Variants in BACH2 observed in about 807,000 individuals in gnomAD.
BACH2 encodes the protein transcription regulator protein BACH2.
In BACH2, 5 loss-of-function variants were observed where a neutral mutation model predicts 61.8. The ratio of observed to expected loss-of-function variants is 0.08; its 90% confidence interval spans 0.04 to 0.17. BACH2 has a LOEUF of 0.17. Among genes scored for constraint, BACH2 ranks in the 10% least tolerant of loss-of-function variants. The pLI is 1.00. For missense variants in BACH2, 824 were observed against 1,091.1 expected, an observed-to-expected ratio of 0.76 and a Z score of 3.45; for synonymous variants, 446 against 440.1, an observed-to-expected ratio of 1.01 and a Z score of -0.17.
intron 2 of BACH2, among the ~76,000 whole-genome samples, chr6:90,252,946 AGAAAGAGTAGCT>A (rs1770857305): frequency 6.6e-6 from 1 of 152,216 alleles, no homozygotes; most frequent in African/African-American, 2.4e-5. Context: ...CAAACTGCTC[AGAAAGAGTAGCT>A]TTAGGGCCAG....
chr6:90,037,585 C>T (rs539893550), intron 5 of BACH2, among the ~76,000 whole-genome samples: 199 of 152,266 alleles, frequency 1.3e-3, no homozygotes, highest in African/African-American at 4.6e-3. Context: ...CTCAACAGCA[C>T]GCTTCACATA....
intron 2 of BACH2, among the ~76,000 whole-genome samples, chr6:90,258,810 T>C: frequency 6.6e-6 from 1 of 152,200 alleles, no homozygotes; most frequent in Admixed American, 6.5e-5. Context: ...TTTGTTCTTT[T>C]TGATGCTTTG....
chr6:90,094,169 T>C (rs1011385966), intron 4 of BACH2, among the ~76,000 whole-genome samples: 2 of 152,168 alleles, frequency 1.3e-5, no homozygotes, highest in Non-Finnish European at 2.9e-5. Context: ...AAAGTACAAG[T>C]GGGTCTCCAG....
intron 5 of BACH2, among the ~76,000 whole-genome samples, chr6:90,032,395 A>G (rs2127788379): frequency 7.9e-6 from 1 of 125,816 alleles, no homozygotes; most frequent in East Asian, 3.8e-4. Context: ...ACAGCAAAAG[A>G]AACTACCATC....
chr6:90,109,598 C>T (rs1480662978), intron 4 of BACH2, among the ~76,000 whole-genome samples: 4 of 152,192 alleles, frequency 2.6e-5, no homozygotes, highest in Admixed American at 2.6e-4. Context: ...AGCACCTGAA[C>T]TTGTATATTC....
intron 4 of BACH2, among the ~76,000 whole-genome samples, chr6:90,168,797 T>C (rs1767715066): frequency 6.6e-6 from 1 of 152,216 alleles, no homozygotes; most frequent in Non-Finnish European, 1.5e-5. Context: ...TATACACCTG[T>C]TGGGCACTGC....
rs770889762 is a variant in BACH2 at position 89,928,614 on chromosome 6, T to C, written c.*3794A>G. 4 of 152,630 alleles carry C rather than the reference T, an allele frequency of 2.6e-5. No homozygotes were observed. Among genetic ancestry groups the C allele is most frequent in the Non-Finnish European group, 4.4e-5 (3 of 68,020 alleles). 9.5% of individuals were successfully genotyped at this position (152,630 alleles called of 1,614,324 possible). A position where few individuals can be genotyped will look rare whatever the true frequency, so the allele number is the denominator to read the frequency against. ...CTGGTCCTGGCTCCTTTTGAAGGAG[T>C]AGTGGCAGTTGGCATACTAATCACT... On this transcript the variant is annotated 3_prime_UTR_variant, in exon 9 of 9. Coordinates refer to ENST00000257749, the MANE Select transcript of BACH2 (RefSeq NM_021813.4).
At chr6:90,040,014 T>C (rs1779453247) in intron 5 of BACH2, among the ~76,000 whole-genome samples, 1 of 145,516 alleles carries the variant, frequency 6.9e-6, no homozygotes, top group East Asian at 2.2e-4. Flanking sequence ...ATATTTTTCC[T>C]TCTTTGTCAC....
chr6:90,219,333 T>C (rs1326659964), intron 3 of BACH2, among the ~76,000 whole-genome samples: 1 of 152,220 alleles, frequency 6.6e-6, no homozygotes, highest in Non-Finnish European at 1.5e-5. Context: ...CCATTAACCA[T>C]ATGTTTGGCT....
intron 5 of BACH2, among the ~76,000 whole-genome samples, chr6:90,065,270 C>CATTTTTTTTTTTTTTTTTTT (rs1780894736): frequency 3.8e-5 from 2 of 52,648 alleles, no homozygotes; most frequent in Admixed American, 7.3e-4. Flanking sequence ...GCCGCCCCCA[C>CATTTTTTTTTTTTTTTTTTT]TTTTTTTTTT....
At chr6:90,004,220 G>C (rs1409133818) in intron 6 of BACH2, among the ~76,000 whole-genome samples, 2 of 152,172 alleles carry the variant, frequency 1.3e-5, no homozygotes, top group Non-Finnish European at 2.9e-5. Context: ...AACAACAAAT[G>C]CCTTTTCTTT....
chr6:90,272,645 C>T (rs1771562136), intron 1 of BACH2, among the ~76,000 whole-genome samples: 1 of 152,222 alleles, frequency 6.6e-6, no homozygotes, highest in South Asian at 2.1e-4. Flanking sequence ...TCCCAGCCAA[C>T]CAAGCTCCAA....
chr6:90,222,508 T>G (rs1173157104), intron 3 of BACH2, among the ~76,000 whole-genome samples: 1 of 152,182 alleles, frequency 6.6e-6, no homozygotes, highest in East Asian at 1.9e-4. Context: ...ACAGAACCAT[T>G]ACATTTTTTT....
intron 6 of BACH2, among the ~76,000 whole-genome samples, chr6:89,980,793 G>C (rs533873636): frequency 3.3e-5 from 5 of 152,056 alleles, no homozygotes; most frequent in Non-Finnish European, 5.9e-5. Flanking sequence ...GAAATGTATT[G>C]GTTTCTTTCT....
chr6:90,135,007 C>T (rs532762564), intron 4 of BACH2, among the ~76,000 whole-genome samples: 1 of 152,206 alleles, frequency 6.6e-6, no homozygotes, highest in Non-Finnish European at 1.5e-5. Flanking sequence ...GATTTATACT[C>T]CTGGAATAAT....
At chr6:90,036,708 T>C (rs1376500745) in intron 5 of BACH2, among the ~76,000 whole-genome samples, 4 of 152,222 alleles carry the variant, frequency 2.6e-5, no homozygotes, top group African/African-American at 9.6e-5. Flanking sequence ...GATTAGTTTA[T>C]AGTTTTTTTC....
intron 5 of BACH2, among the ~76,000 whole-genome samples, chr6:90,011,932 A>ATATGTGTGTG (rs764546078): frequency 7.0e-5 from 8 of 114,300 alleles, no homozygotes; most frequent in African/African-American, 3.0e-4. Context: ...AAAAAAAAAT[A>ATATGTGTGTG]TGTGTGTGTG....
Position 90,103,029 on chromosome 6 carries a change from A to ATATATATTT in BACH2, c.-161-13921_-161-13920insAAATATATA. ...TACATATATATATATATATATATAT[A>ATATATATTT]TTTTTTTTTTTTTTTTTTTTTTACC... On this transcript the variant is annotated intron_variant, in intron 4 of 8. Coordinates refer to ENST00000257749, the MANE Select transcript of BACH2 (RefSeq NM_021813.4). Among the ~76,000 whole-genome samples the ATATATATTT allele has an allele frequency of 4.3e-4, 9 of 21,162 alleles. 1 individual carries two copies. The highest frequency in any genetic ancestry group is 1.2e-3 in the African/African-American group (5 of 4,140). 13.9% of individuals were successfully genotyped at this position (21,162 alleles called of 152,430 possible).
chr6:90,145,605 C>G (rs1031552018), intron 4 of BACH2, among the ~76,000 whole-genome samples: 1 of 152,150 alleles, frequency 6.6e-6, no homozygotes, highest in Admixed American at 6.6e-5. Context: ...GAAGCTCCCT[C>G]GAGGGTCTCT....
Sources: gnomAD v4.1 joint callset for allele counts (sites outside exome capture counted in the v4.1 genomes callset) on GRCh38, gnomAD v4.1.1 for gene constraint, MANE v1.5 for transcripts, NCBI Gene and HGNC (gene_info 2026-07-23, HGNC 2026-07-21) for gene names.